The following BLOC1S5 variants were observed in gnomAD, a reference collection of about 807,000 sequenced individuals.
The protein encoded by BLOC1S5 is biogenesis of lysosomal organelles complex 1 subunit 5, also known as biogenesis of lysosome-related organelles complex 1 subunit 5.
In BLOC1S5, 27 loss-of-function variants were observed where a neutral mutation model predicts 24.3. The observed-to-expected ratio is 1.11, with a 90% CI of 0.82 to 1.53. The LOEUF (loss-of-function observed/expected upper bound fraction) is 1.53. Ranked by LOEUF, BLOC1S5 falls within the 40% of genes most tolerant of loss-of-function variation. The pLI, the probability that BLOC1S5 is intolerant of heterozygous loss-of-function variation, is 0.00. For missense variants in BLOC1S5, 239 were observed against 229.4 expected, an observed-to-expected ratio of 1.04 and a Z score of -0.27; for synonymous variants, 84 against 74.5, an observed-to-expected ratio of 1.13 and a Z score of -0.66.
At chr6:8,053,090 T>A (rs1764180720) in intron 2 of BLOC1S5, among the ~76,000 whole-genome samples, 1 of 151,376 alleles carries the variant, frequency 6.6e-6, no homozygotes, top group Non-Finnish European at 1.5e-5. Context: ...AAAGGAAGAG[T>A]CGCACAACTC....
At chr6:8,052,820 A>G (rs921439783) in intron 2 of BLOC1S5, among the ~76,000 whole-genome samples, 1 of 151,690 alleles carries the variant, frequency 6.6e-6, no homozygotes, top group Non-Finnish European at 1.5e-5. Context: ...GCGTGAGCCC[A>G]GGAGGCGGAG....
intron 4 of BLOC1S5, among the ~76,000 whole-genome samples, chr6:8,024,561 A>C (rs992576803): frequency 4.0e-5 from 6 of 151,494 alleles, no homozygotes; most frequent in East Asian, 1.9e-4. Context: ...TTAAATATTA[A>C]AATATTCTTA....
chr6:8,048,445 A>C (rs925922147), intron 2 of BLOC1S5, among the ~76,000 whole-genome samples: 1 of 152,188 alleles, frequency 6.6e-6, no homozygotes, highest in African/African-American at 2.4e-5. Context: ...TTTTTTAAAA[A>C]ATAGATATAT....
intron 2 of BLOC1S5, among the ~76,000 whole-genome samples, chr6:8,061,318 T>C (rs1240385572): frequency 6.6e-6 from 1 of 152,164 alleles, no homozygotes; most frequent in Non-Finnish European, 1.5e-5. Context: ...GATGACGATG[T>C]GGTATAATCA....
chr6:8,058,301 A>G (rs895501829), intron 2 of BLOC1S5, among the ~76,000 whole-genome samples: 1 of 141,992 alleles, frequency 7.0e-6, no homozygotes, highest in Non-Finnish European at 1.5e-5. Flanking sequence ...AGGAGGATCA[A>G]TTGAGCCCAG....
chr6:8,060,453 G>T (rs970860497), intron 2 of BLOC1S5, among the ~76,000 whole-genome samples: 3 of 152,154 alleles, frequency 2.0e-5, no homozygotes, highest in South Asian at 4.1e-4. Context: ...GGCTAAGCAA[G>T]GGTGTGGTAC....
chr6:8,055,985 G>A (rs1764290286), intron 2 of BLOC1S5, among the ~76,000 whole-genome samples: 1 of 152,138 alleles, frequency 6.6e-6, no homozygotes, highest in Non-Finnish European at 1.5e-5. Flanking sequence ...CCTCATGAAT[G>A]GATTAAGGCC....
chr6:8,030,698 C>T (rs1763266285), intron 3 of BLOC1S5, among the ~76,000 whole-genome samples: 1 of 151,016 alleles, frequency 6.6e-6, no homozygotes, highest in Non-Finnish European at 1.5e-5. Flanking sequence ...ATGGTGAAAC[C>T]CCCTTTCTAC....
At chr6:8,018,242 T>G (rs1274172592) in intron 4 of BLOC1S5, among the ~76,000 whole-genome samples, 1 of 152,086 alleles carries the variant, frequency 6.6e-6, no homozygotes, top group African/African-American at 2.4e-5. Flanking sequence ...GCATGAAGAG[T>G]TTATTAAATC....
intron 4 of BLOC1S5, among the ~76,000 whole-genome samples, chr6:8,016,885 A>AAAAG (rs1365756223): frequency 1.3e-5 from 2 of 150,972 alleles, no homozygotes; most frequent in Non-Finnish European, 3.0e-5. Context: ...TCAAAAAAAA[A>AAAAG]AAAAAAAAAA....
intron 3 of BLOC1S5, among the ~76,000 whole-genome samples, chr6:8,029,331 T>C (rs1416235425): frequency 1.3e-5 from 2 of 152,092 alleles, no homozygotes; most frequent in Admixed American, 1.3e-4. Flanking sequence ...TGGACTTCCA[T>C]CTCTGTAACA....
At chr6:8,039,927 C>T (rs147555873) in intron 3 of BLOC1S5, among the ~76,000 whole-genome samples, 120 of 152,222 alleles carry the variant, frequency 7.9e-4, no homozygotes, top group African/African-American at 2.8e-3. Flanking sequence ...GCTCACCAAG[C>T]GAGTTTAAAC....
At chr6:8,023,572 G>T (rs1298729263) in intron 4 of BLOC1S5, among the ~76,000 whole-genome samples, 1 of 149,644 alleles carries the variant, frequency 6.7e-6, no homozygotes, top group African/African-American at 2.4e-5. Flanking sequence ...CCTGGGTGAC[G>T]GAGTGAGACT....
intron 2 of BLOC1S5, among the ~76,000 whole-genome samples, chr6:8,048,465 A>C (rs932019655): frequency 6.6e-6 from 1 of 151,914 alleles, no homozygotes; most frequent in Non-Finnish European, 1.5e-5. Context: ...TCTTGAGTTC[A>C]TACTGATAGT....
At chr6:8,041,655 C>CTTTTTTTTTTTTTT (rs1554139177) in intron 2 of BLOC1S5, among the ~76,000 whole-genome samples, 45 of 111,912 alleles carry the variant, frequency 4.0e-4, no homozygotes, top group African/African-American at 1.1e-3. Flanking sequence ...TTCTTTCTTT[C>CTTTTTTTTTTTTTT]TTTTTTTTTG....
At chr6:8,027,991 T>C (rs753471623) in intron 3 of BLOC1S5, among the ~76,000 whole-genome samples, 1 of 152,236 alleles carries the variant, frequency 6.6e-6, no homozygotes, top group Non-Finnish European at 1.5e-5. Flanking sequence ...AAAGCCCTCC[T>C]GATTAGTCCC....
chr6:8,015,957 C>CA (rs1287246203), intron 4 of BLOC1S5, 129 bp from the exon 5 acceptor site: 5 of 754,818 alleles, frequency 6.6e-6, no homozygotes, highest in South Asian at 2.1e-5. Flanking sequence ...TTATAATATC[C>CA]AAAAAAAGAT....
intron 4 of BLOC1S5, among the ~76,000 whole-genome samples, chr6:8,021,243 G>T (rs965707831): frequency 6.6e-6 from 1 of 152,174 alleles, no homozygotes; most frequent in Admixed American, 6.5e-5. Flanking sequence ...TCCAGGGGTG[G>T]AGAGAAAGGG....
At chr6:8,025,059 T>C (rs1763060832) in intron 4 of BLOC1S5, among the ~76,000 whole-genome samples, 1 of 152,238 alleles carries the variant, frequency 6.6e-6, no homozygotes, top group Non-Finnish European at 1.5e-5. Context: ...TTTAAGTTCC[T>C]TCTGCTCAAG....
Sources: gnomAD v4.1 joint callset for allele counts (sites outside exome capture counted in the v4.1 genomes callset) on GRCh38, gnomAD v4.1.1 for gene constraint, MANE v1.5 for transcripts, NCBI Gene and HGNC (gene_info 2026-07-23, HGNC 2026-07-21) for gene names.